Variants in ADGRL3 observed in about 807,000 individuals in gnomAD.
The protein encoded by ADGRL3 is adhesion G protein-coupled receptor L3, also known as calcium-independent alpha-latrotoxin receptor 3.
Under a neutral mutation model 153.5 loss-of-function variants are expected in ADGRL3, and 62 were observed. The ratio of observed to expected loss-of-function variants is 0.40; its 90% confidence interval spans 0.33 to 0.50. The LOEUF is 0.50. Ranked by LOEUF, ADGRL3 falls within the 20% of genes least tolerant of loss-of-function variation. ADGRL3 has a pLI of 0.47. For missense variants in ADGRL3, 1,641 were observed against 1,859.4 expected (o/e 0.88, Z 2.16); for synonymous variants, 710 against 672.5 (o/e 1.06, Z -0.86).
chr4:62,050,351 A>T (rs536143131), intron 25 of ADGRL3, among the ~76,000 whole-genome samples: 6 of 152,200 alleles, frequency 3.9e-5, no homozygotes, highest in Non-Finnish European at 7.4e-5. Flanking sequence ...TTTTCTTCTA[A>T]GTCCTGTCCT....
intron 5 of ADGRL3, among the ~76,000 whole-genome samples, chr4:61,648,953 A>G (rs1425696930): frequency 6.6e-6 from 1 of 151,884 alleles, no homozygotes; most frequent in African/African-American, 2.4e-5. Flanking sequence ...CCTTTTCAGT[A>G]TTTTCTATAC....
At chr4:61,249,215 C>T (rs751316455) in intron 1 of ADGRL3, among the ~76,000 whole-genome samples, 6 of 152,056 alleles carry the variant, frequency 3.9e-5, no homozygotes, top group Non-Finnish European at 8.8e-5. Context: ...TTTTTTGAAG[C>T]TTTCAACATT....
intron 8 of ADGRL3, among the ~76,000 whole-genome samples, chr4:61,791,723 G>T (rs1561258027): frequency 6.6e-6 from 1 of 152,304 alleles, no homozygotes; most frequent in East Asian, 1.9e-4. Context: ...TGGGCATCCA[G>T]ACATTTCTAT....
chr4:61,215,468 A>T (rs1335321357), intron 1 of ADGRL3, among the ~76,000 whole-genome samples: 2 of 148,172 alleles, frequency 1.3e-5, no homozygotes, highest in Non-Finnish European at 1.5e-5. Context: ...TTAAAAATAT[A>T]TTGTCAAGAG....
chr4:61,367,227 G>C (rs1027866987), intron 1 of ADGRL3, among the ~76,000 whole-genome samples: 1 of 151,062 alleles, frequency 6.6e-6, no homozygotes, highest in Non-Finnish European at 1.5e-5. Flanking sequence ...TAAAACTGTC[G>C]CTTTTTTTTT....
chr4:61,472,502 T>C (rs551375364), intron 2 of ADGRL3, among the ~76,000 whole-genome samples: 1 of 152,124 alleles, frequency 6.6e-6, no homozygotes, highest in East Asian at 1.9e-4. Flanking sequence ...TCTCCCAGAG[T>C]AAACCATACA....
Position 61,327,123 on chromosome 4 carries a change from G to A in ADGRL3, c.-239-56001G>A, listed in dbSNP as rs533301175. Among the ~76,000 whole-genome samples, 12 of 151,960 alleles carry A rather than the reference G, an allele frequency of 7.9e-5. No homozygotes were observed. The East Asian group carries it at 1.2e-3, about 15-fold the overall frequency. On this transcript the variant is annotated intron_variant, in intron 1 of 26. Transcript: ENST00000683033. The stretch of plus-strand genomic sequence containing the variant: ...AGATACTTTGCTTCACTTTGAGTTC[G>A]TTTTACTCCTTGCTATGATTCTTAA...
At chr4:61,300,349 G>A (rs929933881) in intron 1 of ADGRL3, among the ~76,000 whole-genome samples, 2 of 152,082 alleles carry the variant, frequency 1.3e-5, no homozygotes, top group Non-Finnish European at 2.9e-5. Context: ...GAATGGGCCA[G>A]TCTAATGAAT....
At chr4:61,446,630 AG>A (rs1331395794) in intron 2 of ADGRL3, among the ~76,000 whole-genome samples, 5 of 152,198 alleles carry the variant, frequency 3.3e-5, no homozygotes. Context: ...GAATAAATAA[AG>A]ATAATATGTT....
chr4:61,319,059 A>G (rs894217948), intron 1 of ADGRL3, among the ~76,000 whole-genome samples: 3 of 152,178 alleles, frequency 2.0e-5, no homozygotes, highest in African/African-American at 4.8e-5. Context: ...CAAGATGACA[A>G]CTGGTGAATG....
chr4:61,860,314 C>CT (rs1401428520), intron 9 of ADGRL3, among the ~76,000 whole-genome samples: 1 of 152,066 alleles, frequency 6.6e-6, no homozygotes, highest in Non-Finnish European at 1.5e-5. Context: ...CCCCTCACGT[C>CT]TTTTTTGGTC....
At chr4:61,734,090 C>T (rs2096478215) in intron 8 of ADGRL3, among the ~76,000 whole-genome samples, 1 of 152,140 alleles carries the variant, frequency 6.6e-6, no homozygotes, top group African/African-American at 2.4e-5. Context: ...GAAAAATGTT[C>T]ATAACTGATA....
intron 3 of ADGRL3, among the ~76,000 whole-genome samples, chr4:61,503,565 T>C (rs1242043449): frequency 6.6e-6 from 1 of 152,024 alleles, no homozygotes; most frequent in African/African-American, 2.4e-5. Context: ...CTTTATATTG[T>C]CAAATTATAA....
At chr4:61,263,908 TC>T (rs2092697538) in intron 1 of ADGRL3, among the ~76,000 whole-genome samples, 1 of 151,972 alleles carries the variant, frequency 6.6e-6, no homozygotes, top group Admixed American at 6.6e-5. Context: ...TTTTTTTTTT[TC>T]ATTTCGTTCC....
chr4:61,212,221 T>A (rs1184841505), intron 1 of ADGRL3: 1 of 152,142 alleles, frequency 6.6e-6, no homozygotes, highest in African/African-American at 2.4e-5. Context: ...ATAAAATAAA[T>A]GCAAATAGAA....
At chr4:61,981,373 G>C (rs886716492) in intron 18 of ADGRL3, among the ~76,000 whole-genome samples, 38 of 151,848 alleles carry the variant, frequency 2.5e-4, no homozygotes, top group African/African-American at 8.0e-4. Context: ...TTGGAAAATA[G>C]TACAACCTGC....
intron 9 of ADGRL3, among the ~76,000 whole-genome samples, chr4:61,848,025 A>T (rs1357631733): frequency 1.8e-4 from 2 of 10,866 alleles, no homozygotes; most frequent in Non-Finnish European, 2.6e-4. Flanking sequence ...ATATAATATA[A>T]AATATATTAT....
Position 61,846,538 on chromosome 4 carries a change from A to C in ADGRL3, c.1480+32649A>C, listed in dbSNP as rs1461681317. On this transcript the variant is annotated intron_variant, in intron 9 of 26. Transcript: ENST00000683033. ...TTTGCAAGCTTTTTTATTATTTCAA[A>C]ATAGGTCATTAAAAAACCTTCCACA... is the stretch of plus-strand genomic sequence containing the variant. Among the ~76,000 whole-genome samples the C allele has an allele frequency of 2.0e-5, 3 of 152,098 alleles. No individual in the cohort carries two copies. The East Asian group carries it at 5.8e-4, about 29-fold the overall frequency.
chr4:61,936,377 T>A (rs1202771665), intron 15 of ADGRL3, among the ~76,000 whole-genome samples: 1 of 152,166 alleles, frequency 6.6e-6, no homozygotes, highest in African/African-American at 2.4e-5. Flanking sequence ...TTTGCAGATT[T>A]CACTTGTAAA....
Sources: gnomAD v4.1 joint callset for allele counts (sites outside exome capture counted in the v4.1 genomes callset) on GRCh38, gnomAD v4.1.1 for gene constraint, MANE v1.5 for transcripts, NCBI Gene and HGNC (gene_info 2026-07-23, HGNC 2026-07-21) for gene names.